Variants in N4BP2L2 observed in about 807,000 individuals in gnomAD.
N4BP2L2 encodes the protein NEDD4 binding protein 2 like 2.
A neutral mutation model predicts 56.2 loss-of-function variants in N4BP2L2; 50 were observed. The ratio of observed to expected loss-of-function variants is 0.89; its 90% CI spans 0.71 to 1.13. The LOEUF is 1.13. Among genes scored for constraint, N4BP2L2 ranks in the 50% most tolerant of loss-of-function variants. The pLI is 0.00. For synonymous variants in N4BP2L2, 203 were observed against 223.6 expected (o/e 0.91, Z 0.82); for missense variants, 689 against 693.8 (o/e 0.99, Z 0.08).
chr13:32,532,590 C>CT (rs759146834), intron 2 of N4BP2L2, among the ~76,000 whole-genome samples: 3,879 of 128,386 alleles, frequency 0.03, 133 homozygotes, highest in African/African-American at 0.087. Flanking sequence ...TTTCTTTTTT[C>CT]TTTTTTTTTT....
chr13:32,434,337 A>G (rs948505268), intron 9 of N4BP2L2, among the ~76,000 whole-genome samples: 3 of 150,906 alleles, frequency 2.0e-5, no homozygotes, highest in Non-Finnish European at 4.4e-5. Context: ...AGCTCGGGCA[A>G]TCTGCCAGCC....
intron 2 of N4BP2L2, among the ~76,000 whole-genome samples, chr13:32,528,521 C>G: frequency 6.6e-6 from 1 of 152,164 alleles, no homozygotes; most frequent in Non-Finnish European, 1.5e-5. Flanking sequence ...GCAAGATTAA[C>G]AAGTACTCAG....
At chr13:32,536,340 G>A (rs750701452) in exon 2 of N4BP2L2, 1 of 1,613,960 alleles carries the variant, frequency 6.2e-7, no homozygotes, top group South Asian at 1.1e-5. Context: ...CAATGTGATG[G>A]CATAGCTTTA....
intron 6 of N4BP2L2, chr13:32,446,479 T>C: frequency 7.5e-7 from 1 of 1,325,998 alleles, no homozygotes; most frequent in Non-Finnish European, 1.0e-6. Flanking sequence ...ATGTGAACCA[T>C]CCTGTTGCAG....
intron 6 of N4BP2L2, among the ~76,000 whole-genome samples, chr13:32,481,550 AT>A (rs1365240117): frequency 2.6e-5 from 4 of 152,344 alleles, no homozygotes; most frequent in Admixed American, 1.3e-4. Context: ...ATTGAGTAGT[AT>A]ACGTATGTAC....
chr13:32,493,131 GCC>G (rs2087607031), intron 6 of N4BP2L2, among the ~76,000 whole-genome samples: 1 of 151,580 alleles, frequency 6.6e-6, no homozygotes, highest in Non-Finnish European at 1.5e-5. Context: ...CACCATGTTG[GCC>G]AGGCTGCTCT....
rs561794004 is a variant in N4BP2L2 at position 32,438,625 on chromosome 13, T to C, written c.2190+27A>G. The C allele has an allele frequency of 5.7e-5, 81 of 1,425,374 alleles. No homozygotes were observed. The South Asian group carries it at 5.8e-4, about 10-fold the overall frequency. The allele number at this position is 1,425,374 out of a possible 1,614,324, so 88.3% of individuals were successfully genotyped here. A position where few individuals can be genotyped will look rare whatever the true frequency, so the allele number is the denominator to read the frequency against. ...AAACAACAACAACAACAAAAATACA[T>C]ACACACACACACACACACATATATA... On this transcript the variant is annotated intron_variant, in intron 8 of 9. Transcript: ENST00000357505.
intron 9 of N4BP2L2, among the ~76,000 whole-genome samples, chr13:32,435,518 G>A (rs2075378557): frequency 6.6e-6 from 1 of 152,196 alleles, no homozygotes; most frequent in Non-Finnish European, 1.5e-5. Context: ...ATAGGCGTGA[G>A]CCACCACACC....
At chr13:32,493,205 T>G (rs968405917) in intron 6 of N4BP2L2, among the ~76,000 whole-genome samples, 17 of 152,018 alleles carry the variant, frequency 1.1e-4, no homozygotes, top group Admixed American at 6.6e-4. Context: ...GATTACAGGT[T>G]TGAGCCACCG....
chr13:32,465,139 G>C (rs1055898376), intron 6 of N4BP2L2, among the ~76,000 whole-genome samples: 3 of 151,976 alleles, frequency 2.0e-5, no homozygotes, highest in Non-Finnish European at 4.4e-5. Flanking sequence ...GCTAATTTTT[G>C]TATTTTTAGT....
intron 9 of N4BP2L2, among the ~76,000 whole-genome samples, chr13:32,433,775 A>C (rs1358107717): frequency 6.6e-6 from 1 of 151,398 alleles, no homozygotes; most frequent in Non-Finnish European, 1.5e-5. Context: ...AAATACAAAA[A>C]AAAAAATTAG....
intron 6 of N4BP2L2, among the ~76,000 whole-genome samples, chr13:32,500,762 C>A (rs138891375): frequency 1.3e-5 from 2 of 151,048 alleles, no homozygotes; most frequent in East Asian, 3.9e-4. Context: ...AAAAATGTAA[C>A]AGTATCTTAA....
At chr13:32,501,672 G>A (rs940720970) in intron 6 of N4BP2L2, among the ~76,000 whole-genome samples, 3 of 151,924 alleles carry the variant, frequency 2.0e-5, no homozygotes, top group Admixed American at 6.6e-5. Context: ...AACATTAGCC[G>A]GGAGTGGTGG....
intron 6 of N4BP2L2, among the ~76,000 whole-genome samples, chr13:32,462,092 T>C (rs1347515383): frequency 6.6e-6 from 1 of 152,196 alleles, no homozygotes; most frequent in Non-Finnish European, 1.5e-5. Flanking sequence ...CACCTTGGGA[T>C]ATTTATCCAA....
At chr13:32,528,736 T>C (rs957598210) in intron 2 of N4BP2L2, among the ~76,000 whole-genome samples, 3 of 151,866 alleles carry the variant, frequency 2.0e-5, no homozygotes, top group Non-Finnish European at 4.4e-5. Context: ...ATAGAAGGAA[T>C]TGAGAGTAAA....
intron 6 of N4BP2L2, among the ~76,000 whole-genome samples, chr13:32,462,120 T>C (rs1031953622): frequency 1.3e-5 from 2 of 152,152 alleles, no homozygotes; most frequent in Non-Finnish European, 1.5e-5. Context: ...GAAATCATTA[T>C]ATCAAAGGGA....
chr13:32,517,488 T>C, exon 6 of N4BP2L2: 10 of 1,057,782 alleles, frequency 9.5e-6, no homozygotes, highest in Non-Finnish European at 1.1e-5. Flanking sequence ...TTCAATAGTG[T>C]CTATAAAATA....
At chr13:32,535,671 TG>T in intron 2 of N4BP2L2, 97 bp downstream of exon 2, 1 of 1,341,956 alleles carries the variant, frequency 7.5e-7, no homozygotes. Flanking sequence ...CCCAAAGTGT[TG>T]GGATTACATG....
chr13:32,517,415 G>A, exon 6 of N4BP2L2: 1 of 998,426 alleles, frequency 1.0e-6, no homozygotes, highest in Non-Finnish European at 1.2e-6. Context: ...ATTTAAGGTA[G>A]TGAAGGAAAA....
Sources: gnomAD v4.1 joint callset for allele counts (sites outside exome capture counted in the v4.1 genomes callset) on GRCh38, gnomAD v4.1.1 for gene constraint, MANE v1.5 for transcripts, NCBI Gene and HGNC (gene_info 2026-07-23, HGNC 2026-07-21) for gene names.